The following GRK3 variants were observed in gnomAD, a reference collection of about 807,000 sequenced individuals.
GRK3 encodes the protein G protein-coupled receptor kinase 3.
GRK3 carries 54 observed loss-of-function variants against 95.7 expected under a neutral mutation model. That is an observed-to-expected ratio of 0.56 (90% CI 0.45 to 0.71). The LOEUF is 0.71. Ranked by LOEUF, GRK3 falls within the 30% of genes least tolerant of loss-of-function variation. GRK3 has a pLI of 0.00. For missense variants in GRK3, 649 were observed against 851.2 expected (o/e 0.76, Z 2.96); for synonymous variants, 281 against 290.8 (o/e 0.97, Z 0.34).
chr22:25,652,533 AG>A (rs2084839865), intron 3 of GRK3, among the ~76,000 whole-genome samples: 1 of 152,208 alleles, frequency 6.6e-6, no homozygotes, highest in African/African-American at 2.4e-5. Context: ...CACAAAATGC[AG>A]GGGAGGTTAA....
rs574800438 is a variant in GRK3 at position 25,598,062 on chromosome 22, C to T, written c.114-6315C>T. On this transcript the variant is annotated intron_variant, in intron 1 of 20. Transcript: ENST00000324198. ...GTACCTGCAGTAATGTAAAAGCCATCGAATGTAAAGACATTGCATGTCTAA... is the reference window on the plus strand; with the variant it reads ...GTACCTGCAGTAATGTAAAAGCCATTGAATGTAAAGACATTGCATGTCTAA... 6.6e-5 allele frequency among the ~76,000 whole-genome samples: 10 copies of T among 152,172 alleles called. No homozygotes were observed. In the South Asian group the frequency reaches 1.4e-3, roughly 22 times the overall value.
At chr22:25,689,183 G>T (rs894893105) in intron 11 of GRK3, among the ~76,000 whole-genome samples, 4 of 151,656 alleles carry the variant, frequency 2.6e-5, no homozygotes, top group African/African-American at 9.7e-5. Flanking sequence ...GAAGAAAAAT[G>T]TATTTTTATT....
chr22:25,609,364 C>T (rs2084477814), intron 2 of GRK3, among the ~76,000 whole-genome samples: 1 of 151,416 alleles, frequency 6.6e-6, no homozygotes, highest in South Asian at 2.1e-4. Context: ...GACAGTCTTG[C>T]CCTGTTGCCC....
chr22:25,679,836 A>G (rs1226807698), intron 9 of GRK3, among the ~76,000 whole-genome samples: 1 of 152,236 alleles, frequency 6.6e-6, no homozygotes, highest in Admixed American at 6.5e-5. Context: ...GAAGGTTTAT[A>G]TTCAGTGAGA....
At chr22:25,623,318 A>G (rs1347972277) in intron 2 of GRK3, among the ~76,000 whole-genome samples, 2 of 152,328 alleles carry the variant, frequency 1.3e-5, no homozygotes, top group African/African-American at 4.8e-5. Context: ...GACGAGACAG[A>G]GTGATGCGGC....
At chr22:25,581,816 A>T (rs1932108760) in intron 1 of GRK3, among the ~76,000 whole-genome samples, 1 of 152,148 alleles carries the variant, frequency 6.6e-6, no homozygotes, top group Non-Finnish European at 1.5e-5. Flanking sequence ...CAGAAAAAAA[A>T]AAAAGTAACC....
chr22:25,586,386 A>T (rs1451718192), intron 1 of GRK3, among the ~76,000 whole-genome samples: 1 of 151,576 alleles, frequency 6.6e-6, no homozygotes, highest in African/African-American at 2.5e-5. Context: ...TTTGTAACTC[A>T]GAGGAGAAAT....
chr22:25,626,088 C>T (rs1041615160), intron 2 of GRK3, among the ~76,000 whole-genome samples: 24 of 152,170 alleles, frequency 1.6e-4, no homozygotes, highest in African/African-American at 9.7e-5. Flanking sequence ...CTCTCGTCGC[C>T]GCACATGGGG....
chr22:25,603,597 T>C (rs1188643975), intron 1 of GRK3, among the ~76,000 whole-genome samples: 3 of 152,236 alleles, frequency 2.0e-5, no homozygotes, highest in Non-Finnish European at 2.9e-5. Flanking sequence ...CCTGTATTTT[T>C]TGTATAAATT....
rs547928961 is a variant in GRK3, at chr22:25,649,088, G to C, written c.264+4423G>C. 2.0e-6 allele frequency: 3 copies of C among 1,530,316 alleles called. No individual in the cohort carries two copies. The South Asian group carries it at 3.4e-5, about 17-fold the overall frequency. 94.8% of individuals were successfully genotyped at this position (1,530,316 alleles called of 1,614,324 possible). ...GAGGATACAGGATGCCTTGCCCTCA[G>C]GGCTGTCCAGAATCCCTCCATGAAT... is the stretch of plus-strand genomic sequence containing the variant. On this transcript the variant is annotated intron_variant, in intron 3 of 20. Coordinates refer to ENST00000324198, the MANE Select transcript of GRK3 (RefSeq NM_005160.4).
At chr22:25,619,663 T>TG (rs2084566566) in intron 2 of GRK3, among the ~76,000 whole-genome samples, 1 of 146,662 alleles carries the variant, frequency 6.8e-6, no homozygotes, top group African/African-American at 2.5e-5. Context: ...TTTTTTTTTT[T>TG]TTTTTTTTTT....
At chr22:25,716,618 G>GA (rs199651378) in intron 18 of GRK3, among the ~76,000 whole-genome samples, 76 of 147,622 alleles carry the variant, frequency 5.1e-4, no homozygotes, top group South Asian at 2.8e-3. Flanking sequence ...TTAGATTCCT[G>GA]AAAAAAAAAA....
chr22:25,662,038 A>G (rs2084912849), intron 4 of GRK3, among the ~76,000 whole-genome samples: 1 of 152,256 alleles, frequency 6.6e-6, no homozygotes, highest in South Asian at 2.1e-4. Flanking sequence ...GCTATTGATA[A>G]ATATAAATTT....
At chr22:25,626,167 G>C (rs1002413280) in intron 2 of GRK3, among the ~76,000 whole-genome samples, 2 of 152,198 alleles carry the variant, frequency 1.3e-5, no homozygotes, top group Non-Finnish European at 2.9e-5. Context: ...CTGACCTTGT[G>C]ATCTGCCCGC....
chr22:25,722,260 A>G, intron 20 of GRK3, 29 bp from the exon 21 acceptor site: 1 of 1,609,282 alleles, frequency 6.2e-7, no homozygotes, highest in South Asian at 1.1e-5. Flanking sequence ...TGAGCCTGTC[A>G]CAACGGCTGC....
chr22:25,589,818 GGA>G (rs1932435145), intron 1 of GRK3, among the ~76,000 whole-genome samples: 1 of 152,190 alleles, frequency 6.6e-6, no homozygotes, highest in Admixed American at 6.5e-5. Flanking sequence ...ACATGGCTGG[GGA>G]GGCCTCACAA....
chr22:25,687,130 T>C (rs113528632), intron 10 of GRK3, among the ~76,000 whole-genome samples: 1 of 152,078 alleles, frequency 6.6e-6, no homozygotes, highest in Non-Finnish European at 1.5e-5. Context: ...TAGTTTTTTT[T>C]TTTGTTTGTT....
Position 25,703,571 on chromosome 22 carries a change from A to C in GRK3, c.1222A>C (p.Thr408Pro). 1 of 1,611,256 alleles carries C rather than the reference A, an allele frequency of 6.2e-7. No individual in the cohort carries two copies. ...GCATGAAATTGACCGAATGACACTCACCGTGGTAAGGGGATTCAAAACTGT... is the reference window on the plus strand; with the variant it reads ...GCATGAAATTGACCGAATGACACTCCCCGTGGTAAGGGGATTCAAAACTGT... Reference protein sequence around the residue: ...DKHEIDRMTLTVNVELPDTFS... With the variant: ...DKHEIDRMTLPVNVELPDTFS... The change falls in exon 14 of 21, where the codon ACC becomes CCC. Residue 408 changes from threonine (T) to proline (P), a missense_variant. By Grantham distance (38) the Thr-to-Pro change is conservative (BLOSUM62 -1). This residue lies in a region of GRK3 where 382 missense variants were observed against 493.8 expected (regional missense o/e 0.77). Coordinates refer to ENST00000324198, the MANE Select transcript of GRK3 (RefSeq NM_005160.4).
intron 13 of GRK3, among the ~76,000 whole-genome samples, chr22:25,697,311 A>G (rs1012583502): frequency 2.6e-5 from 4 of 152,200 alleles, no homozygotes; most frequent in Admixed American, 6.5e-5. Context: ...GTCTGCTCCA[A>G]CAGTGTGGTT....
Sources: allele counts gnomAD v4.1 joint callset (sites outside exome capture counted in the v4.1 genomes callset), GRCh38; gene constraint gnomAD v4.1.1; regional missense constraint gnomAD v4.1.1; transcripts MANE v1.5; gene names NCBI Gene and HGNC (gene_info 2026-07-23, HGNC 2026-07-21).